SHROOM3: variants seen among roughly 807,000 people sequenced by gnomAD.
SHROOM3 encodes shroom family member 3.
Under a neutral mutation model 138.6 loss-of-function variants are expected in SHROOM3, and 47 were observed. The ratio of observed to expected loss-of-function variants is 0.34; its 90% CI spans 0.27 to 0.43. SHROOM3 has a LOEUF of 0.43. Among genes scored for constraint, SHROOM3 ranks in the 20% least tolerant of loss-of-function variants. The pLI is 1.00. For synonymous variants in SHROOM3, 1,062 were observed against 1,063.3 expected (o/e 1.00, Z 0.02); for missense variants, 2,491 against 2,596.5 (o/e 0.96, Z 0.88).
rs768376849 is a variant in SHROOM3, at chr4:76,741,152, C to T, written c.2979C>T (p.Gly993=). The part of the protein sequence containing the change: ...RERHSVTPAE[G]DLARPVPPAA... ...GGCACAGCGTGACCCCTGCTGAGGG[C>T]GACCTGGCCAGGCCCGTGCCCCCTG... The change falls in exon 5 of 11, where the codon GGC becomes GGT. Residue 993 remains glycine, a synonymous_variant. Transcript: ENST00000296043. This position sits in a 1 kb window ranked among gnomAD's most constrained non-coding sequence, Gnocchi z 6.2. The T allele has an allele frequency of 3.2e-6, 5 of 1,568,652 alleles. No individual in the cohort carries two copies. The highest frequency in any genetic ancestry group is 4.3e-6 in the Non-Finnish European group (5 of 1,158,186).
intron 2 of SHROOM3, among the ~76,000 whole-genome samples, chr4:76,611,375 T>A (rs1734758867): frequency 6.6e-6 from 1 of 151,998 alleles, no homozygotes; most frequent in South Asian, 2.1e-4. Flanking sequence ...TCAAACGATC[T>A]CGTTGTTTTG....
chr4:76,464,688 T>C (rs138038023), intron 1 of SHROOM3, among the ~76,000 whole-genome samples: 2,588 of 152,178 alleles, frequency 0.017, 77 homozygotes, highest in African/African-American at 0.059. Flanking sequence ...ATCATGGGGG[T>C]GGATTTCTCC....
intron 1 of SHROOM3, among the ~76,000 whole-genome samples, chr4:76,507,664 G>C (rs572659751): frequency 4.2e-4 from 64 of 150,800 alleles, no homozygotes; most frequent in Non-Finnish European, 8.4e-4. Flanking sequence ...AGCCCCTCCC[G>C]AGTAGCTGGG....
At chr4:76,626,691 T>C (rs1735152758) in intron 2 of SHROOM3, among the ~76,000 whole-genome samples, 1 of 152,192 alleles carries the variant, frequency 6.6e-6, no homozygotes, top group Non-Finnish European at 1.5e-5. Flanking sequence ...TTGTCCCTCT[T>C]TACAGAGGAA....
Position 76,566,977 on chromosome 4 carries a change from C to A in SHROOM3, c.323+11214C>A, listed in dbSNP as rs180844952. Among the ~76,000 whole-genome samples, 7 of 152,340 alleles carry A rather than the reference C, an allele frequency of 4.6e-5. No individual in the cohort carries two copies. In the East Asian group the frequency reaches 1.3e-3, roughly 29 times the overall value. On this transcript the variant is annotated intron_variant, in intron 2 of 10. Transcript: ENST00000296043. ...TAAAATGTCTGTTTAATTGTATTAC[C>A]TAGTCTAGAGGCCCGTGCCGCTGTC...
intron 1 of SHROOM3, among the ~76,000 whole-genome samples, chr4:76,466,553 T>G (rs972184760): frequency 8.5e-5 from 13 of 152,202 alleles, no homozygotes; most frequent in South Asian, 6.2e-4. Flanking sequence ...CACTGCCAAC[T>G]CTGTAATACG....
rs557576761 is a variant in SHROOM3 at position 76,574,818 on chromosome 4, G to C, written c.323+19055G>C. On this transcript the variant is annotated intron_variant, in intron 2 of 10. Coordinates refer to ENST00000296043, the MANE Select transcript of SHROOM3 (RefSeq NM_020859.4). ...TGTAGAATGGCAGTTGCCACAGGTT[G>C]GGGGAGGGGAGATTAGGGAGTTTTG... 3.3e-5 allele frequency among the ~76,000 whole-genome samples: 5 copies of C among 152,300 alleles called. No homozygotes were observed. In the South Asian group the frequency reaches 1.0e-3, roughly 32 times the overall value.
At chr4:76,683,356 G>T (rs1719251402) in intron 2 of SHROOM3, among the ~76,000 whole-genome samples, 1 of 151,942 alleles carries the variant, frequency 6.6e-6, no homozygotes, top group Admixed American at 6.6e-5. Flanking sequence ...TTCTTCCTTG[G>T]TCATGTAATG....
chr4:76,754,211 C>T, intron 6 of SHROOM3, 100 bp from the exon 7 acceptor site: 2 of 1,486,972 alleles, frequency 1.3e-6, no homozygotes, highest in Admixed American at 3.4e-5. Context: ...AGAGGTCCTC[C>T]TTCCTCTTAA....
chr4:76,592,067 G>A (rs1734285105), intron 2 of SHROOM3, among the ~76,000 whole-genome samples: 1 of 152,160 alleles, frequency 6.6e-6, no homozygotes, highest in Admixed American at 6.5e-5. Context: ...TTTTTTAGGG[G>A]GTGGTGGAAG....
intron 2 of SHROOM3, chr4:76,637,411 T>C (rs1449385597): frequency 6.6e-6 from 1 of 152,156 alleles, no homozygotes; most frequent in Non-Finnish European, 1.5e-5. Context: ...AGAACGGAAC[T>C]GTGGTAGTAA....
At chr4:76,555,891 C>A in intron 2 of SHROOM3, 128 bp downstream of exon 2, 2 of 1,033,976 alleles carry the variant, frequency 1.9e-6, no homozygotes, top group Non-Finnish European at 2.9e-6. Context: ...ATGGATCCTG[C>A]CTTTTTTTCT....
chr4:76,459,358 T>A (rs887621806), intron 1 of SHROOM3, among the ~76,000 whole-genome samples: 1 of 152,218 alleles, frequency 6.6e-6, no homozygotes, highest in East Asian at 1.9e-4. Flanking sequence ...CATTAAGGCA[T>A]GCTTGAGTGA....
chr4:76,770,560 A>C (rs1722327067), intron 9 of SHROOM3, 66 bp from the exon 10 acceptor site: 2 of 1,591,324 alleles, frequency 1.3e-6, no homozygotes, highest in Non-Finnish European at 8.6e-7. Flanking sequence ...TGGCTGGGGG[A>C]GGTGACTTCT....
chr4:76,732,937 T>A (rs1407295343), intron 4 of SHROOM3, among the ~76,000 whole-genome samples: 1 of 152,194 alleles, frequency 6.6e-6, no homozygotes, highest in Admixed American at 6.5e-5. Flanking sequence ...CAATGAATGA[T>A]GACTGATTAT....
At chr4:76,603,673 G>T (rs780950401) in intron 2 of SHROOM3, among the ~76,000 whole-genome samples, 5 of 151,650 alleles carry the variant, frequency 3.3e-5, no homozygotes, top group African/African-American at 4.8e-5. Flanking sequence ...ATGTTGGTTT[G>T]CTGCACCCAT....
At chr4:76,571,678 TCA>T (rs1280318292) in intron 2 of SHROOM3, among the ~76,000 whole-genome samples, 6 of 152,218 alleles carry the variant, frequency 3.9e-5, no homozygotes, top group Admixed American at 1.3e-4. Context: ...TTGATTCCAA[TCA>T]CAGTTTGTTC....
chr4:76,480,194 A>G (rs969838475), intron 1 of SHROOM3, among the ~76,000 whole-genome samples: 1 of 152,222 alleles, frequency 6.6e-6, no homozygotes, highest in African/African-American at 2.4e-5. Flanking sequence ...CAGACTGGCA[A>G]ATTGGATAAA....
intron 1 of SHROOM3, among the ~76,000 whole-genome samples, chr4:76,510,270 G>A (rs139523284): frequency 1.0e-3 from 157 of 152,268 alleles, no homozygotes; most frequent in African/African-American, 3.5e-3. Context: ...AAAAAAGGCT[G>A]AAAGGAAATA....
Sources: gnomAD v4.1 joint callset for allele counts (sites outside exome capture counted in the v4.1 genomes callset) on GRCh38, gnomAD v4.1.1 for gene constraint, Gnocchi (gnomAD v3.1) non-coding constraint, MANE v1.5 for transcripts, NCBI Gene and HGNC (gene_info 2026-07-23, HGNC 2026-07-21) for gene names.